The following TPP2 variants were observed in gnomAD, a reference collection of about 807,000 sequenced individuals.
TPP2 encodes the protein tripeptidyl peptidase 2, also known as tripeptidyl-peptidase 2.
Under a neutral mutation model 155.9 loss-of-function variants are expected in TPP2, and 34 were observed. That is an observed-to-expected ratio of 0.22 (90% CI 0.17 to 0.29). TPP2 has a LOEUF of 0.29. Among genes scored for constraint, TPP2 ranks in the 10% least tolerant of loss-of-function variants. The pLI, the probability that TPP2 is intolerant of heterozygous loss-of-function variation, is 1.00. For synonymous variants in TPP2, 510 were observed against 529.4 expected (o/e 0.96, Z 0.50); for missense variants, 1,028 against 1,522.3 (o/e 0.68, Z 5.40).
At chr13:102,633,630 A>G (rs1474451062) in intron 10 of TPP2, among the ~76,000 whole-genome samples, 2 of 152,212 alleles carry the variant, frequency 1.3e-5, no homozygotes, top group African/African-American at 4.8e-5. Flanking sequence ...ACACTCATCA[A>G]AGAGTCAGAA....
rs1566326034 is a variant in TPP2, at chr13:102,616,388, C to T, written c.391-8C>T. On this transcript the variant is annotated splice_polypyrimidine_tract_variant and splice_region_variant and intron_variant, in intron 3 of 29. Coordinates refer to ENST00000376052, the MANE Select transcript of TPP2 (RefSeq NM_001330588.2). ...CCTAATTGTAAGGTAATTTTTCTGT[C>T]TTTGCAGAAAGAACGGAAGGAAAAA... 2.5e-6 allele frequency: 4 copies of T among 1,602,812 alleles called. No individual in the cohort carries two copies. The highest frequency in any genetic ancestry group is 2.2e-5 in the East Asian group (1 of 44,608).
At chr13:102,662,213 C>CTAT (rs1884275952) in intron 25 of TPP2, among the ~76,000 whole-genome samples, 1 of 152,138 alleles carries the variant, frequency 6.6e-6, no homozygotes. Context: ...ATGAGGAAAT[C>CTAT]TATAGAGATA....
intron 5 of TPP2, among the ~76,000 whole-genome samples, chr13:102,621,826 G>A (rs1390190409): frequency 6.6e-6 from 1 of 152,148 alleles, no homozygotes; most frequent in Non-Finnish European, 1.5e-5. Context: ...ATGGATGCTG[G>A]CCGATTGCAT....
rs1212157619 is a variant in TPP2 at position 102,676,284 on chromosome 13, T to C, written c.3580-12T>C. The C allele has an allele frequency of 3.8e-6, 6 of 1,578,074 alleles. No individual in the cohort carries two copies. Among genetic ancestry groups the C allele is most frequent in the Non-Finnish European group, 5.2e-6 (6 of 1,158,574 alleles). On this transcript the variant is annotated splice_polypyrimidine_tract_variant and intron_variant, in intron 28 of 29. Transcript: ENST00000376052. ...ATTTTATAAACAAGCTTTATCATGTTTTACATTGTAGGTTTTGACATTTGC... is the reference window on the plus strand; with the variant it reads ...ATTTTATAAACAAGCTTTATCATGTCTTACATTGTAGGTTTTGACATTTGC...
chr13:102,651,513 T>A, intron 24 of TPP2, 116 bp downstream of exon 24: 1 of 1,109,292 alleles, frequency 9.0e-7, no homozygotes, highest in East Asian at 2.6e-5. Context: ...TTCCTTTCTT[T>A]GCATTCTAAA....
At chr13:102,665,723 T>C (rs1382465163) in intron 27 of TPP2, among the ~76,000 whole-genome samples, 1 of 152,250 alleles carries the variant, frequency 6.6e-6, no homozygotes, top group Non-Finnish European at 1.5e-5. Context: ...AGAAATATCC[T>C]GATTCTTTTG....
At chr13:102,607,553 C>T in intron 2 of TPP2, 2 of 329,560 alleles carry the variant, frequency 6.1e-6, no homozygotes, top group South Asian at 4.5e-5. Context: ...GTCTTGCAGG[C>T]TTAGAGCCAT....
intron 7 of TPP2, 150 bp downstream of exon 7, chr13:102,627,316 A>G: frequency 1.7e-6 from 1 of 589,926 alleles, no homozygotes; most frequent in Non-Finnish European, 2.4e-6. Context: ...TTACTAATTT[A>G]TTTTTAAATT....
chr13:102,612,604 TA>T (rs1464577767), intron 2 of TPP2, among the ~76,000 whole-genome samples: 1 of 152,224 alleles, frequency 6.6e-6, no homozygotes, highest in Non-Finnish European at 1.5e-5. Context: ...CTAACTTGGC[TA>T]AAGTTAGATC....
chr13:102,657,266 A>G, intron 25 of TPP2, 59 bp downstream of exon 25: 1 of 1,435,562 alleles, frequency 7.0e-7, no homozygotes, highest in Non-Finnish European at 9.3e-7. Flanking sequence ...CCCAACTATA[A>G]CAATATTGTG....
intron 2 of TPP2, among the ~76,000 whole-genome samples, chr13:102,609,442 G>T (rs891094774): frequency 9.8e-5 from 12 of 122,880 alleles, no homozygotes; most frequent in Non-Finnish European, 1.9e-4. Context: ...TTGTTGCCCA[G>T]ACTGGAGTGC....
chr13:102,675,887 A>T (rs1885254612), intron 28 of TPP2, among the ~76,000 whole-genome samples: 2 of 152,222 alleles, frequency 1.3e-5, no homozygotes, highest in African/African-American at 4.8e-5. Flanking sequence ...AATTACAGGT[A>T]AAAACTTGTA....
At chr13:102,674,542 C>A in intron 28 of TPP2, 52 bp downstream of exon 28, 1 of 1,572,192 alleles carries the variant, frequency 6.4e-7, no homozygotes, top group Non-Finnish European at 8.7e-7. Context: ...ACCTCACAGA[C>A]CTCTCTTGTG....
At chr13:102,668,239 C>G (rs1394135834) in intron 27 of TPP2, among the ~76,000 whole-genome samples, 1 of 152,140 alleles carries the variant, frequency 6.6e-6, no homozygotes, top group Non-Finnish European at 1.5e-5. Flanking sequence ...ATTTGGCTGC[C>G]TTCAGCCAGA....
chr13:102,597,481 C>T (rs1879057830), intron 1 of TPP2, among the ~76,000 whole-genome samples: 1 of 152,154 alleles, frequency 6.6e-6, no homozygotes, highest in Non-Finnish European at 1.5e-5. Context: ...AAGCAGCGTG[C>T]CCGGCGCGGC....
In TPP2 at chr13:102,630,203, C is replaced by G. The variant is rs768461059; in HGVS notation, c.1244+8C>G. 2 of 1,602,952 alleles carry G rather than the reference C, an allele frequency of 1.2e-6. No individual in the cohort carries two copies. The highest frequency in any genetic ancestry group is 3.3e-5 in the Admixed American group (2 of 59,906). On this transcript the variant is annotated splice_region_variant and intron_variant, in intron 10 of 29. Coordinates refer to ENST00000376052, the MANE Select transcript of TPP2 (RefSeq NM_001330588.2). ...GTCTTCTAGAGGACCTAGGTAGGTG[C>G]AGGTAGAACGCGGAACCATTACGTA...
intron 25 of TPP2, among the ~76,000 whole-genome samples, chr13:102,663,132 T>TTATTTA (rs149378137): frequency 8.4e-4 from 127 of 150,606 alleles, no homozygotes; most frequent in Middle Eastern, 3.4e-3. Flanking sequence ...ATTTATTTAT[T>TTATTTA]TTTTTTAATT....
At chr13:102,604,286 G>T (rs1246251439) in intron 1 of TPP2, among the ~76,000 whole-genome samples, 1 of 152,120 alleles carries the variant, frequency 6.6e-6, no homozygotes, top group Non-Finnish European at 1.5e-5. Context: ...TACCATCTCA[G>T]CAAGGCCTTC....
At chr13:102,640,641 ATTTTTTTTTTTT>A (rs5806315) in intron 16 of TPP2, among the ~76,000 whole-genome samples, 3 of 84,234 alleles carry the variant, frequency 3.6e-5, no homozygotes, top group African/African-American at 1.7e-4. Context: ...CCTGGTAATA[ATTTTTTTTTTTT>A]TTTTTTTTTT....
Sources: gnomAD v4.1 joint callset for allele counts (sites outside exome capture counted in the v4.1 genomes callset) on GRCh38, gnomAD v4.1.1 for gene constraint, MANE v1.5 for transcripts, NCBI Gene and HGNC (gene_info 2026-07-23, HGNC 2026-07-21) for gene names.